The following PRUNE2 variants were observed in gnomAD, a reference collection of about 807,000 sequenced individuals.
PRUNE2 encodes protein prune homolog 2.
PRUNE2 carries 164 observed loss-of-function variants against 252.0 expected under a neutral mutation model. The ratio of observed to expected loss-of-function variants is 0.65; its 90% confidence interval spans 0.57 to 0.74. The LOEUF (loss-of-function observed/expected upper bound fraction) is 0.74. Among genes scored for constraint, PRUNE2 ranks in the 30% least tolerant of loss-of-function variants. PRUNE2 has a pLI of 0.00. For missense variants in PRUNE2, 3,495 were observed against 3,711.0 expected, an observed-to-expected ratio of 0.94 and a Z score of 1.51; for synonymous variants, 1,292 against 1,350.2, an observed-to-expected ratio of 0.96 and a Z score of 0.94.
chr9:76,882,965 A>G (rs915376563), intron 1 of PRUNE2, among the ~76,000 whole-genome samples: 1 of 152,174 alleles, frequency 6.6e-6, no homozygotes, highest in Non-Finnish European at 1.5e-5. Context: ...TATTAGGTAT[A>G]GTACTTTCAG....
intron 12 of PRUNE2, 197 bp downstream of exon 12, chr9:76,644,542 T>A: frequency 1.4e-6 from 1 of 691,942 alleles, no homozygotes; most frequent in Non-Finnish European, 2.6e-6. Flanking sequence ...TGGAAAGTTG[T>A]CTTTGCCTAG....
rs1203145843 is a variant in PRUNE2, at chr9:76,850,556, G to A, written c.251C>T (p.Ser84Leu). The change falls in exon 3 of 19, where the codon TCA (serine) becomes TTA (leucine). Residue 84 changes from serine (S) to leucine (L), a missense_variant. Coordinates refer to ENST00000376718, the MANE Select transcript of PRUNE2 (RefSeq NM_015225.3). ...AATTTCATCCCGGAATATGTGGAATGATTCGGAAATATTTAGCTCTTCTAA... is the reference window on the plus strand; with the variant it reads ...AATTTCATCCCGGAATATGTGGAATAATTCGGAAATATTTAGCTCTTCTAA... Reference protein sequence around the residue: ...FILEELNISESFHIFRDEINL... With the variant: ...FILEELNISELFHIFRDEINL... The A allele has an allele frequency of 6.2e-7, 1 of 1,613,726 alleles. No homozygotes were observed. Among genetic ancestry groups the A allele is most frequent in the Non-Finnish European group, 8.5e-7 (1 of 1,179,678 alleles).
chr9:76,854,292 C>T (rs1024655106), intron 1 of PRUNE2, 84 bp from the exon 2 acceptor site: 1 of 656,206 alleles, frequency 1.5e-6, no homozygotes, highest in Non-Finnish European at 2.5e-6. Context: ...AAAAAGTATG[C>T]CTTATCCATA....
Position 76,706,780 on chromosome 9 carries a change from C to G in PRUNE2, c.5494G>C (p.Ala1832Pro), listed in dbSNP as rs2046345134. Reference sequence around the variant, plus strand: ...ATTAGTCTCCCTTCCTGGGGTGAGGCCTTCCACCACTCAGTGCTATCAGCT... The same window carrying G: ...ATTAGTCTCCCTTCCTGGGGTGAGGGCTTCCACCACTCAGTGCTATCAGCT... The part of the protein sequence containing the change: ...FSADSTEWWK[A>P]SPQEGRLIES... The change falls in exon 8 of 19, where the codon GCC becomes CCC. Residue 1832 changes from alanine (A) to proline (P), a missense_variant. Coordinates refer to ENST00000376718, the MANE Select transcript of PRUNE2 (RefSeq NM_015225.3). 1 of 1,610,360 alleles carries G rather than the reference C, an allele frequency of 6.2e-7. No homozygotes were observed. The highest frequency in any genetic ancestry group is 8.5e-7 in the Non-Finnish European group (1 of 1,178,212).
intron 16 of PRUNE2, among the ~76,000 whole-genome samples, chr9:76,625,792 A>G (rs1834423609): frequency 6.6e-6 from 1 of 152,190 alleles, no homozygotes; most frequent in Non-Finnish European, 1.5e-5. Context: ...ACTGTAAACA[A>G]GTGTCCTTTT....
Position 76,615,333 on chromosome 9 carries a change from T to G in PRUNE2, c.9237-733A>C. Reference sequence around the variant, plus strand: ...AGAGAAACTATTAGTTTGCAAAGGGTGATTTGGCACGTATCTGTGGATTTT... The same window carrying G: ...AGAGAAACTATTAGTTTGCAAAGGGGGATTTGGCACGTATCTGTGGATTTT... On this transcript the variant is annotated intron_variant, in intron 18 of 18. Coordinates refer to ENST00000376718, the MANE Select transcript of PRUNE2 (RefSeq NM_015225.3). 6.3e-6 allele frequency: 4 copies of G among 638,998 alleles called. No individual in the cohort carries two copies. The South Asian group carries it at 2.1e-4, about 33-fold the overall frequency. The allele number at this position is 638,998 out of a possible 1,614,324, so 39.6% of individuals were successfully genotyped here.
At chr9:76,792,825 CT>C (rs1589256753) in intron 6 of PRUNE2, among the ~76,000 whole-genome samples, 2 of 152,108 alleles carry the variant, frequency 1.3e-5, no homozygotes, top group Admixed American at 1.3e-4. Flanking sequence ...TTATTTTGGT[CT>C]TTTAATGTAA....
chr9:76,704,175 A>C (rs1449771921), intron 8 of PRUNE2, 76 bp from the exon 9 acceptor site: 46 of 894,772 alleles, frequency 5.1e-5, no homozygotes, highest in Non-Finnish European at 7.1e-5. Flanking sequence ...GATCCTTGCA[A>C]ATGATCATCT....
intron 9 of PRUNE2, among the ~76,000 whole-genome samples, chr9:76,660,342 A>G (rs540272162): frequency 6.6e-6 from 1 of 152,320 alleles, no homozygotes; most frequent in South Asian, 2.1e-4. Context: ...GGTAGAAAAT[A>G]AAAAGCAACC....
intron 1 of PRUNE2, among the ~76,000 whole-genome samples, chr9:76,876,920 G>T (rs187633818): frequency 1.2e-4 from 19 of 152,272 alleles, no homozygotes; most frequent in Admixed American, 1.2e-3. Context: ...AAAGAAAGTT[G>T]TCTCCTCAGG....
At chr9:76,747,453 T>C (rs2050225071) in intron 6 of PRUNE2, among the ~76,000 whole-genome samples, 1 of 152,198 alleles carries the variant, frequency 6.6e-6, no homozygotes, top group African/African-American at 2.4e-5. Flanking sequence ...TTATGTTCCA[T>C]GATAATCCTA....
chr9:76,733,558 C>G (rs2048816907), intron 6 of PRUNE2: 1 of 151,390 alleles, frequency 6.6e-6, no homozygotes, highest in Non-Finnish European at 1.5e-5. Flanking sequence ...ACAGGCACGC[C>G]TGGCTAATTT....
At chr9:76,723,331 T>C (rs1365101500) in intron 6 of PRUNE2, among the ~76,000 whole-genome samples, 1 of 152,172 alleles carries the variant, frequency 6.6e-6, no homozygotes, top group African/African-American at 2.4e-5. Context: ...TCTGGTAGCT[T>C]AGACACACAA....
At chr9:76,890,453 C>G (rs1359008939) in intron 1 of PRUNE2, among the ~76,000 whole-genome samples, 1 of 152,212 alleles carries the variant, frequency 6.6e-6, no homozygotes, top group Non-Finnish European at 1.5e-5. Flanking sequence ...GCTTTCTGCT[C>G]TGTCTTTAAA....
chr9:76,640,577 C>T (rs560781413), intron 12 of PRUNE2, among the ~76,000 whole-genome samples: 6 of 152,184 alleles, frequency 3.9e-5, no homozygotes, highest in East Asian at 3.9e-4. Flanking sequence ...TTTTTGCTTT[C>T]GTTCCATCTT....
At chr9:76,767,769 G>A (rs2052579576) in intron 6 of PRUNE2, among the ~76,000 whole-genome samples, 1 of 152,086 alleles carries the variant, frequency 6.6e-6, no homozygotes, top group African/African-American at 2.4e-5. Context: ...TCTATCCAGG[G>A]GTGTAAAAAC....
intron 4 of PRUNE2, among the ~76,000 whole-genome samples, chr9:76,846,138 C>T (rs1352191194): frequency 6.6e-6 from 1 of 152,152 alleles, no homozygotes; most frequent in African/African-American, 2.4e-5. Flanking sequence ...GGAAGAGTAT[C>T]AGCAGATATT....
At chr9:76,656,426 G>A (rs1849262687) in intron 9 of PRUNE2, among the ~76,000 whole-genome samples, 1 of 152,152 alleles carries the variant, frequency 6.6e-6, no homozygotes, top group Admixed American at 6.5e-5. Flanking sequence ...AAACCTTTAT[G>A]TTAAAGTTCT....
At chr9:76,755,847 G>A (rs777130880) in intron 6 of PRUNE2, among the ~76,000 whole-genome samples, 1 of 152,092 alleles carries the variant, frequency 6.6e-6, no homozygotes, top group African/African-American at 2.4e-5. Context: ...GACCACAGGT[G>A]CACGCCACCA....
Sources: allele counts gnomAD v4.1 joint callset (sites outside exome capture counted in the v4.1 genomes callset), GRCh38; gene constraint gnomAD v4.1.1; transcripts MANE v1.5; gene names NCBI Gene and HGNC (gene_info 2026-07-23, HGNC 2026-07-21).